Variants in PTPRZ1 observed in about 807,000 individuals in gnomAD.
The protein encoded by PTPRZ1 is protein tyrosine phosphatase receptor type Z1, also known as receptor-type tyrosine-protein phosphatase zeta.
A neutral mutation model predicts 214.1 loss-of-function variants in PTPRZ1; 82 were observed. That is an observed-to-expected ratio of 0.38 (90% CI 0.32 to 0.46). PTPRZ1 has a LOEUF of 0.46. Ranked by LOEUF, PTPRZ1 falls within the 20% of genes least tolerant of loss-of-function variation. PTPRZ1 has a pLI of 1.00. For synonymous variants in PTPRZ1, 945 were observed against 987.9 expected (o/e 0.96, Z 0.81); for missense variants, 2,603 against 2,748.7 (o/e 0.95, Z 1.19).
At chr7:121,988,688 G>A (rs1191073075) in intron 8 of PTPRZ1, among the ~76,000 whole-genome samples, 1 of 152,148 alleles carries the variant, frequency 6.6e-6, no homozygotes, top group Non-Finnish European at 1.5e-5. Context: ...TTGATGAATG[G>A]TGAATAAGTG....
chr7:122,023,590 ATTATATG>A (rs1304145410), intron 13 of PTPRZ1, among the ~76,000 whole-genome samples: 4 of 122,662 alleles, frequency 3.3e-5, no homozygotes, highest in Admixed American at 2.7e-4. Flanking sequence ...AATTATATAT[ATTATATG>A]TATAATTTTA....
At chr7:122,055,386 T>A (rs183705511) in intron 27 of PTPRZ1, among the ~76,000 whole-genome samples, 29 of 152,008 alleles carry the variant, frequency 1.9e-4, no homozygotes, top group African/African-American at 7.0e-4. Flanking sequence ...AAAGAATAAA[T>A]TTATTAATTT....
At chr7:121,919,780 A>AGTGC (rs1220871465) in intron 1 of PTPRZ1, among the ~76,000 whole-genome samples, 2 of 150,002 alleles carry the variant, frequency 1.3e-5, no homozygotes, top group Admixed American at 6.7e-5. Flanking sequence ...GTTCTATGTT[A>AGTGC]GTGCTGTTTG....
chr7:121,941,756 C>G (rs1005420827), intron 2 of PTPRZ1, among the ~76,000 whole-genome samples: 1 of 152,100 alleles, frequency 6.6e-6, no homozygotes, highest in Admixed American at 6.5e-5. Flanking sequence ...TGTGTCTGGG[C>G]CTATTTCTAC....
intron 11 of PTPRZ1, among the ~76,000 whole-genome samples, chr7:122,005,360 G>A (rs1242153761): frequency 1.3e-5 from 2 of 151,794 alleles, no homozygotes; most frequent in Non-Finnish European, 2.9e-5. Flanking sequence ...ATTCAGTTCA[G>A]GTGCTATTGT....
intron 28 of PTPRZ1, 142 bp downstream of exon 28, chr7:122,059,084 G>A (rs1001162911): frequency 2.5e-6 from 2 of 797,542 alleles, no homozygotes; most frequent in Middle Eastern, 2.6e-4. Flanking sequence ...TATCAATAAA[G>A]TTAACACAGA....
chr7:122,000,821 A>G (rs1000405178), intron 10 of PTPRZ1, among the ~76,000 whole-genome samples: 2 of 150,240 alleles, frequency 1.3e-5, no homozygotes, highest in Non-Finnish European at 3.0e-5. Flanking sequence ...TGAGTAGCTG[A>G]GATTACAGGC....
intron 1 of PTPRZ1, among the ~76,000 whole-genome samples, chr7:121,890,083 CT>C (rs1794539308): frequency 6.6e-6 from 1 of 152,166 alleles, no homozygotes; most frequent in African/African-American, 2.4e-5. Context: ...ATTTGCATGA[CT>C]ATCTCATCCC....
At chr7:121,980,752 T>G (rs1797581026) in intron 6 of PTPRZ1, among the ~76,000 whole-genome samples, 1 of 152,246 alleles carries the variant, frequency 6.6e-6, no homozygotes, top group African/African-American at 2.4e-5. Flanking sequence ...CTTTGAGGCT[T>G]TCTGAGTATG....
At chr7:122,056,684 T>C (rs1792357724) in intron 27 of PTPRZ1, among the ~76,000 whole-genome samples, 1 of 151,844 alleles carries the variant, frequency 6.6e-6, no homozygotes, top group Non-Finnish European at 1.5e-5. Flanking sequence ...TTGACAATTA[T>C]GTTAAATTAC....
chr7:121,912,537 C>T (rs1206488), intron 1 of PTPRZ1, among the ~76,000 whole-genome samples: 103,229 of 151,996 alleles, frequency 0.68, 36,710 homozygotes, highest in African/African-American at 0.9. Context: ...TTGAAAAATG[C>T]ATGGAAATAT....
At chr7:122,019,836 A>T (rs1048453616) in intron 13 of PTPRZ1, among the ~76,000 whole-genome samples, 8 of 152,174 alleles carry the variant, frequency 5.3e-5, no homozygotes, top group Non-Finnish European at 8.8e-5. Context: ...CTTCGCTGTC[A>T]ATAATCTATT....
rs1002837111 is a variant in PTPRZ1, at chr7:122,022,477, C to T, written c.4988+3209C>T. Among the ~76,000 whole-genome samples, 10 of 152,082 alleles carry T rather than the reference C, an allele frequency of 6.6e-5. No individual in the cohort carries two copies. In the South Asian group the frequency reaches 1.4e-3, roughly 22 times the overall value. On this transcript the variant is annotated intron_variant, in intron 13 of 29. Coordinates refer to ENST00000393386, the MANE Select transcript of PTPRZ1 (RefSeq NM_002851.3). Reference sequence around the variant, plus strand: ...GGAGAAGGCAGAAGGAAGAAGCTCCCCGTACAGAGACAGAGGGAGGGGGCC... The same window carrying T: ...GGAGAAGGCAGAAGGAAGAAGCTCCTCGTACAGAGACAGAGGGAGGGGGCC...
At chr7:122,023,852 A>T (rs10253151) in intron 13 of PTPRZ1, among the ~76,000 whole-genome samples, 43 of 21,486 alleles carry the variant, frequency 2.0e-3, no homozygotes, top group African/African-American at 0.012. Flanking sequence ...TATATATATA[A>T]AAAAAAAAAA....
At position 121,958,519 on chromosome 7, in the gene PTPRZ1, A is replaced by G. The variant is rs572061650; in HGVS notation, c.125-9432A>G. Among the ~76,000 whole-genome samples, 6 of 152,230 alleles carry G rather than the reference A, an allele frequency of 3.9e-5. No individual in the cohort carries two copies. In the East Asian group the frequency reaches 5.8e-4, roughly 15 times the overall value. On this transcript the variant is annotated intron_variant, in intron 2 of 29. Transcript: ENST00000393386. ...CTTGCTTGTCAACTTTGATTGAAGTATTTCACCCATATCTGTGGTTATAAA... is the reference window on the plus strand; with the variant it reads ...CTTGCTTGTCAACTTTGATTGAAGTGTTTCACCCATATCTGTGGTTATAAA...
intron 14 of PTPRZ1, among the ~76,000 whole-genome samples, chr7:122,030,818 T>G (rs575517006): frequency 6.6e-6 from 1 of 152,084 alleles, no homozygotes; most frequent in South Asian, 2.1e-4. Flanking sequence ...TTAAAATAAT[T>G]TGGCCCCTTC....
chr7:121,978,200 A>G (rs1797499998), intron 6 of PTPRZ1, among the ~76,000 whole-genome samples: 1 of 152,172 alleles, frequency 6.6e-6, no homozygotes, highest in South Asian at 2.1e-4. Flanking sequence ...TCCCTTTCTG[A>G]GAATATGGAT....
intron 2 of PTPRZ1, among the ~76,000 whole-genome samples, chr7:121,937,580 T>C (rs1026442579): frequency 6.6e-6 from 1 of 152,160 alleles, no homozygotes; most frequent in African/African-American, 2.4e-5. Flanking sequence ...TGCTGGGGGT[T>C]CAGCAGCCGA....
At chr7:121,960,682 T>G (rs1457877786) in intron 2 of PTPRZ1, among the ~76,000 whole-genome samples, 1 of 152,214 alleles carries the variant, frequency 6.6e-6, no homozygotes, top group African/African-American at 2.4e-5. Context: ...TTTTTTTCTT[T>G]GACTTTTATT....
Sources: allele counts gnomAD v4.1 joint callset (sites outside exome capture counted in the v4.1 genomes callset), GRCh38; gene constraint gnomAD v4.1.1; transcripts MANE v1.5; gene names NCBI Gene and HGNC (gene_info 2026-07-23, HGNC 2026-07-21).